Variants in CRACDL observed in about 807,000 individuals in gnomAD.
CRACDL encodes the protein CRACD-like protein.
In CRACDL, 26 loss-of-function variants were observed where a neutral mutation model predicts 70.6. The observed-to-expected ratio is 0.37, with a 90% CI of 0.27 to 0.51. The LOEUF (loss-of-function observed/expected upper bound fraction) is 0.51, where lower values mean the gene tolerates loss of function less well. CRACDL is among the 20% of genes least tolerant of loss of function. CRACDL has a pLI of 0.94. For missense variants in CRACDL, 1,283 were observed against 1,376.9 expected, an observed-to-expected ratio of 0.93 and a Z score of 1.08; for synonymous variants, 618 against 615.2, an observed-to-expected ratio of 1.00 and a Z score of -0.07.
chr2:98,827,767 G>A (rs1018333564), intron 5 of CRACDL, among the ~76,000 whole-genome samples: 1 of 152,166 alleles, frequency 6.6e-6, no homozygotes, highest in African/African-American at 2.4e-5. Flanking sequence ...GCTGGCACAG[G>A]CACTTCAGAC....
intron 1 of CRACDL, among the ~76,000 whole-genome samples, chr2:98,913,683 G>C (rs1299020959): frequency 1.3e-5 from 2 of 152,220 alleles, no homozygotes; most frequent in Non-Finnish European, 2.9e-5. Flanking sequence ...GTCACGGAAA[G>C]CATGGTCTTC....
At chr2:98,927,949 G>A (rs1380090086) in intron 1 of CRACDL, among the ~76,000 whole-genome samples, 1 of 152,132 alleles carries the variant, frequency 6.6e-6, no homozygotes, top group African/African-American at 2.4e-5. Flanking sequence ...GAGAGGCTGA[G>A]GCAGGTGGAT....
chr2:98,847,150 T>C (rs1706294992), intron 1 of CRACDL, among the ~76,000 whole-genome samples: 1 of 152,232 alleles, frequency 6.6e-6, no homozygotes. Flanking sequence ...CTACAGGAAG[T>C]TTGGAAAATA....
chr2:98,808,803 G>GC (rs1407472169), intron 7 of CRACDL, among the ~76,000 whole-genome samples: 3 of 152,140 alleles, frequency 2.0e-5, no homozygotes, highest in Admixed American at 6.5e-5. Flanking sequence ...GGGTCTCAGC[G>GC]CCCCCCACAT....
intron 1 of CRACDL, among the ~76,000 whole-genome samples, chr2:98,856,778 G>A (rs1417616929): frequency 6.6e-6 from 1 of 152,160 alleles, no homozygotes; most frequent in African/African-American, 2.4e-5. Flanking sequence ...AACAGGCTGT[G>A]AACATCATGC....
Position 98,796,169 on chromosome 2 carries a change from G to T in CRACDL, c.2700C>A (p.Asn900Lys). Residue 900 changes from asparagine to lysine, a missense_variant, in exon 9 of 10, where the codon AAC becomes AAA. Asn to Lys is a moderately conservative substitution (Grantham distance 94). This residue lies in a region of CRACDL where 921 missense variants were observed against 881.9 expected (regional missense o/e 1.04). Coordinates refer to ENST00000397899, the MANE Select transcript of CRACDL (RefSeq NM_207362.3). ...TTCCTCTTTGCAGCCCCTCCTTGAA[G>T]TTGAGCTTTGCCCCCTGCTTCCGGT... is the stretch of plus-strand genomic sequence containing the variant. The part of the protein sequence containing the change: ...AVDRKQGAKL[N>K]FKEGLQRGIS... 1 of 1,614,188 alleles carries T rather than the reference G, an allele frequency of 6.2e-7. No individual in the cohort carries two copies. Among genetic ancestry groups the T allele is most frequent in the Non-Finnish European group, 8.5e-7 (1 of 1,180,010 alleles).
intron 2 of CRACDL, among the ~76,000 whole-genome samples, chr2:98,841,554 A>G (rs1442880658): frequency 6.6e-6 from 1 of 152,078 alleles, no homozygotes; most frequent in African/African-American, 2.4e-5. Context: ...AGGTGTATCC[A>G]CTTGCTTATT....
chr2:98,897,516 G>A (rs1319536564), intron 1 of CRACDL: 2 of 575,510 alleles, frequency 3.5e-6, no homozygotes, highest in Non-Finnish European at 5.4e-6. Flanking sequence ...AAACCTTGAA[G>A]GTTTCATAAC....
In CRACDL at chr2:98,821,963, G is replaced by C; in HGVS notation, c.2310C>G (p.Ser770Arg). 1 of 1,542,714 alleles carries C rather than the reference G, an allele frequency of 6.5e-7. No homozygotes were observed. The highest frequency in any genetic ancestry group is 8.7e-7 in the Non-Finnish European group (1 of 1,146,164). Residue 770 changes from serine (S) to arginine (R), a missense_variant, in exon 7 of 10, where the codon AGC (serine) becomes AGG (arginine). By Grantham distance (110) the Ser-to-Arg change is moderately radical. Coordinates refer to ENST00000397899, the MANE Select transcript of CRACDL (RefSeq NM_207362.3). The stretch of plus-strand genomic sequence containing the variant: ...GCGCGGGCTGGTGCGGGAGCGTGAA[G>C]CTCTGCAGAAGCGGCTTCCGGGGCA... ...PPLPRKPLLQ[S>R]FTLPHQPAPP...
rs201322505 is a variant in CRACDL, at chr2:98,822,882, G to C, written c.1391C>G (p.Ala464Gly). ...CGCTCCTCTCTCGGGCTCCGTCTCC[G>C]CTTCTCTCTCGGGCTCAGGCGCCGG... ...PGPAPEPERE[A>G]ETEPERGAGT... Residue 464 changes from alanine (A) to glycine (G), a missense_variant, in exon 7 of 10, where the codon GCG becomes GGG. Ala to Gly is a moderately conservative substitution (Grantham distance 60, BLOSUM62 0). This residue lies in a region of CRACDL where 921 missense variants were observed against 881.9 expected (regional missense o/e 1.04). Transcript: ENST00000397899. The surrounding 1 kb of genome is among the most constrained non-coding windows in gnomAD (Gnocchi z 4.9). The C allele has an allele frequency of 7.1e-5, 105 of 1,469,206 alleles. No homozygotes were observed. In the African/African-American group the frequency reaches 1.4e-3, roughly 20 times the overall value. 91.0% of individuals were successfully genotyped at this position (1,469,206 alleles called of 1,614,324 possible).
At chr2:98,883,840 T>C (rs976164482) in intron 1 of CRACDL, among the ~76,000 whole-genome samples, 2 of 152,204 alleles carry the variant, frequency 1.3e-5, no homozygotes, top group Non-Finnish European at 1.5e-5. Context: ...AATGAGATGA[T>C]GTAATGTACA....
chr2:98,878,743 G>A (rs1404684889), intron 1 of CRACDL, among the ~76,000 whole-genome samples: 1 of 152,174 alleles, frequency 6.6e-6, no homozygotes, highest in Non-Finnish European at 1.5e-5. Flanking sequence ...CCCATCGTAA[G>A]CTAAAAATAT....
chr2:98,896,941 G>A (rs1026255706), intron 1 of CRACDL, among the ~76,000 whole-genome samples: 21 of 152,074 alleles, frequency 1.4e-4, no homozygotes, highest in African/African-American at 5.1e-4. Flanking sequence ...CACCCTTCTG[G>A]AAATATTTTG....
intron 1 of CRACDL, among the ~76,000 whole-genome samples, chr2:98,901,612 C>T (rs533124220): frequency 1.3e-5 from 2 of 152,320 alleles, no homozygotes; most frequent in Admixed American, 6.5e-5. Context: ...GACCACAGGG[C>T]CTGCAGTTCT....
intron 7 of CRACDL, 96 bp downstream of exon 7, chr2:98,821,761 T>G: frequency 6.9e-7 from 1 of 1,438,940 alleles, no homozygotes. Context: ...CAACAAAGTT[T>G]GTACCAGGAG....
Position 98,822,104 on chromosome 2 carries a change from C to T in CRACDL, c.2169G>A (p.Pro723=), listed in dbSNP as rs181897921. 201 of 1,571,730 alleles carry T rather than the reference C, an allele frequency of 1.3e-4. No individual in the cohort carries two copies. In the African/African-American group the frequency reaches 2.2e-3, roughly 18 times the overall value. Residue 723 remains proline (P), a synonymous_variant, in exon 7 of 10, where the codon CCG becomes CCA. Coordinates refer to ENST00000397899, the MANE Select transcript of CRACDL (RefSeq NM_207362.3). The surrounding 1 kb of genome is among the most constrained non-coding windows in gnomAD (Gnocchi z 4.9). The part of the protein sequence containing the change: ...VRLERSLTVL[P]KEEKCPLGTA... ...TCCCGAGGGGACACTTCTCCTCCTT[C>T]GGGAGCACGGTCAGCGACCTTTCTA... is the stretch of plus-strand genomic sequence containing the variant.
chr2:98,797,003 C>T (rs551007601), intron 8 of CRACDL, among the ~76,000 whole-genome samples: 13 of 152,182 alleles, frequency 8.5e-5, no homozygotes, highest in South Asian at 2.1e-4. Flanking sequence ...GTGTCTAACT[C>T]GAAGTTATTT....
At chr2:98,827,316 C>T in intron 5 of CRACDL, 147 bp from the exon 6 acceptor site, 3 of 604,264 alleles carry the variant, frequency 5.0e-6, no homozygotes, top group East Asian at 2.9e-5. Flanking sequence ...CTTTTTTTTT[C>T]CCCCAAGATG....
chr2:98,875,926 TTGTC>T (rs1558617871), intron 1 of CRACDL, among the ~76,000 whole-genome samples: 1 of 152,216 alleles, frequency 6.6e-6, no homozygotes, highest in East Asian at 1.9e-4. Context: ...CTGCAGAACA[TTGTC>T]TGTAGGCACA....
Sources: allele counts gnomAD v4.1 joint callset (sites outside exome capture counted in the v4.1 genomes callset), GRCh38; gene constraint gnomAD v4.1.1; regional missense constraint gnomAD v4.1.1; non-coding constraint Gnocchi (gnomAD v3.1); transcripts MANE v1.5; gene names NCBI Gene and HGNC (gene_info 2026-07-23, HGNC 2026-07-21).